ZNF652: variants seen among roughly 807,000 people sequenced by gnomAD.
The protein encoded by ZNF652 is zinc finger protein 652.
Under a neutral mutation model 45.2 loss-of-function variants are expected in ZNF652, and 16 were observed. The ratio of observed to expected loss-of-function variants is 0.35; its 90% confidence interval spans 0.24 to 0.54. The LOEUF is 0.54. ZNF652 is among the 20% of genes least tolerant of loss of function. The pLI is 0.91. For missense variants in ZNF652, 614 were observed against 765.6 expected, an observed-to-expected ratio of 0.80 and a Z score of 2.34; for synonymous variants, 250 against 260.6, an observed-to-expected ratio of 0.96 and a Z score of 0.39.
chr17:49,308,896 A>G (rs2069669065), intron 5 of ZNF652, among the ~76,000 whole-genome samples: 1 of 152,178 alleles, frequency 6.6e-6, no homozygotes, highest in Non-Finnish European at 1.5e-5. Flanking sequence ...ATTTGGTCAA[A>G]GACGAATACT....
intron 1 of ZNF652, among the ~76,000 whole-genome samples, chr17:49,328,330 C>T (rs1183302076): frequency 6.6e-6 from 1 of 151,966 alleles, no homozygotes; most frequent in African/African-American, 2.4e-5. Flanking sequence ...AAAAACACCA[C>T]AGGAAAATGA....
chr17:49,342,425 T>C (rs1217174100), intron 1 of ZNF652, among the ~76,000 whole-genome samples: 1 of 152,056 alleles, frequency 6.6e-6, no homozygotes, highest in Admixed American at 6.6e-5. Context: ...AGAACAGCTT[T>C]TGACACAAAC....
intron 1 of ZNF652, 119 bp from the exon 2 acceptor site, chr17:49,318,102 G>A (rs2069836306): frequency 1.3e-5 from 2 of 155,392 alleles, no homozygotes; most frequent in East Asian, 1.9e-4. Flanking sequence ...ATTTTGAGAT[G>A]GAGTCTCACT....
In ZNF652 at chr17:49,312,014, G is replaced by A. The variant is rs143149248; in HGVS notation, c.1077C>T (p.Cys359=). Residue 359 remains cysteine, a synonymous_variant, in exon 4 of 6, where the codon TGC becomes TGT. Transcript: ENST00000430262. ...GTTTGAATGATTTTCCACAGGTTTC[G>A]CATGTAAATGGCATGTCTTTTGTGT... ...VAHTKDMPFT[C]ETCGKSFKRS... 188 of 1,613,762 alleles carry A rather than the reference G, an allele frequency of 1.2e-4. No homozygotes were observed. Among genetic ancestry groups the A allele is most frequent in the Middle Eastern group, 3.3e-4 (2 of 6,062 alleles).
chr17:49,336,412 C>T (rs1360113790), intron 1 of ZNF652, among the ~76,000 whole-genome samples: 12 of 151,158 alleles, frequency 7.9e-5, no homozygotes, highest in African/African-American at 1.7e-4. Flanking sequence ...TCACTGCAAC[C>T]GCTACCTCCC....
chr17:49,358,685 A>G (rs112242888), intron 1 of ZNF652, among the ~76,000 whole-genome samples: 2,479 of 152,130 alleles, frequency 0.016, 59 homozygotes, highest in African/African-American at 0.057. Flanking sequence ...TTTTCTACAG[A>G]CTTGAAAAGT....
chr17:49,324,399 A>T (rs925569395), intron 1 of ZNF652, among the ~76,000 whole-genome samples: 47 of 149,770 alleles, frequency 3.1e-4, no homozygotes, highest in African/African-American at 1.0e-3. Flanking sequence ...TTTTTATTTT[A>T]TTTTTTTTTT....
intron 1 of ZNF652, among the ~76,000 whole-genome samples, chr17:49,323,371 C>G (rs2143825179): frequency 6.6e-6 from 1 of 152,318 alleles, no homozygotes; most frequent in African/African-American, 2.4e-5. Context: ...AGTTCTGTTG[C>G]TATTTCCACC....
intron 4 of ZNF652, 38 bp from the exon 5 acceptor site, chr17:49,311,494 A>C (rs2069711226): frequency 3.8e-6 from 6 of 1,599,896 alleles, no homozygotes; most frequent in African/African-American, 2.7e-5. Context: ...AATGCCAAGC[A>C]TAGTAGCTTT....
chr17:49,313,008 G>A (rs1194839559), intron 2 of ZNF652, among the ~76,000 whole-genome samples, 163 bp from the exon 3 acceptor site: 2 of 152,198 alleles, frequency 1.3e-5, no homozygotes, highest in South Asian at 2.1e-4. Context: ...ACATCTGTAT[G>A]TTCTCTTTTC....
intron 1 of ZNF652, among the ~76,000 whole-genome samples, chr17:49,332,191 A>C (rs1428088685): frequency 1.3e-5 from 2 of 150,320 alleles, no homozygotes; most frequent in African/African-American, 4.9e-5. Flanking sequence ...TTGCTTGAAC[A>C]CAGCAGACTG....
At position 49,311,446 on chromosome 17, in the gene ZNF652, TC is replaced by T. The variant is rs1460569449; in HGVS notation, c.1174del (p.Glu392LysfsTer13). On this transcript the variant is annotated frameshift_variant, in exon 5 of 6. Transcript: ENST00000430262. LOFTEE classifies it high-confidence loss of function. ...TAGCTGGTACTTGTACTGAAACCTT[TC>T]GTCACAGTTCTGCATTGGATACAGT... ...EKPFRCENCD[E>X]RFQYKYQLRS... 6.2e-7 allele frequency: 1 copy of T among 1,613,918 alleles called. No homozygotes were observed. Among genetic ancestry groups the T allele is most frequent in the Non-Finnish European group, 8.5e-7 (1 of 1,179,950 alleles).
chr17:49,309,802 G>A (rs2069684321), intron 5 of ZNF652, among the ~76,000 whole-genome samples: 1 of 152,066 alleles, frequency 6.6e-6, no homozygotes, highest in Non-Finnish European at 1.5e-5. Flanking sequence ...AAATCTGAGG[G>A]TGCTCTGTTC....
At chr17:49,340,549 CAA>C (rs1040246588) in intron 1 of ZNF652, among the ~76,000 whole-genome samples, 2 of 50,138 alleles carry the variant, frequency 4.0e-5, no homozygotes, top group African/African-American at 6.7e-5. Flanking sequence ...GACTCTGTCT[CAA>C]AAAAAAAAAA....
chr17:49,317,479 C>T lies in ZNF652; in HGVS notation c.247G>A (p.Glu83Lys). 6.2e-6 allele frequency: 10 copies of T among 1,614,144 alleles called. No individual in the cohort carries two copies. The highest frequency in any genetic ancestry group is 8.5e-6 in the Non-Finnish European group (10 of 1,180,020). Residue 83 changes from glutamate to lysine, a missense_variant, in exon 2 of 6, where the codon GAG (glutamate) becomes AAG (lysine). Around this residue, in one of 5 missense-constraint regions of ZNF652, gnomAD observed 133 missense variants for 132.2 expected, o/e 1.01. Transcript: ENST00000430262. ...HETEEQPYFR[E>K]TRAVSDVHAV... ...TGCACGTCAGACACTGCTCTTGTCT[C>T]CCTGAAATATGGCTGTTCTTCTGTT...
At position 49,289,639 on chromosome 17, in the gene ZNF652, T is replaced by G. The variant is rs1342371431; in HGVS notation, c.*8774A>C. The G allele has an allele frequency of 6.6e-6, 1 of 152,292 alleles. No homozygotes were observed. The highest frequency in any genetic ancestry group is 1.5e-5 in the Non-Finnish European group (1 of 68,116). 9.4% of individuals were successfully genotyped at this position (152,292 alleles called of 1,614,324 possible). ...CCAAGCAGCCCTCCTCTCCCCAGTA[T>G]CTTTCCCATCTTAAGAGATCCTGTC... On this transcript the variant is annotated 3_prime_UTR_variant, in exon 6 of 6. Transcript: ENST00000430262.
chr17:49,327,730 AATATATATATAT>A lies in ZNF652; in HGVS notation c.-258-9759_-258-9748del, dbSNP rs68056731. Reference sequence around the variant, plus strand: ...CCTCGTGTCTACTTTTAAATAAATAAATATATATATATATATATATATATATATATATATATA... The same window carrying A: ...CCTCGTGTCTACTTTTAAATAAATAAATATATATATATATATATATATATA... On this transcript the variant is annotated intron_variant, in intron 1 of 5. Coordinates refer to ENST00000430262, the MANE Select transcript of ZNF652 (RefSeq NM_001145365.3). 9.1e-3 allele frequency among the ~76,000 whole-genome samples: 555 copies of A among 61,216 alleles called. 1 individual carries two copies. The highest frequency in any genetic ancestry group is 0.014 in the African/African-American group (198 of 14,646). 40.2% of individuals were successfully genotyped at this position (61,216 alleles called of 152,430 possible). A position where few individuals can be genotyped will look rare whatever the true frequency, so the allele number is the denominator to read the frequency against.
chr17:49,293,839 T>C lies in ZNF652; in HGVS notation c.*4574A>G, dbSNP rs2069437108. ...TTCTTAAATGTAATGTATCCCTTTTTTCATTAAGTACTTCTCATACAGTCT... is the reference window on the plus strand; with the variant it reads ...TTCTTAAATGTAATGTATCCCTTTTCTCATTAAGTACTTCTCATACAGTCT... On this transcript the variant is annotated 3_prime_UTR_variant, in exon 6 of 6. Transcript: ENST00000430262. Among the ~76,000 whole-genome samples, 1 of 152,166 alleles carries C rather than the reference T, an allele frequency of 6.6e-6. No homozygotes were observed. The highest frequency in any genetic ancestry group is 2.4e-5 in the African/African-American group (1 of 41,432).
intron 1 of ZNF652, among the ~76,000 whole-genome samples, chr17:49,331,039 A>C (rs1171188729): frequency 1.3e-5 from 2 of 150,390 alleles, no homozygotes; most frequent in East Asian, 2.0e-4. Flanking sequence ...GATTGCATCC[A>C]GCCTGGGCAG....
Sources: gnomAD v4.1 joint callset for allele counts (sites outside exome capture counted in the v4.1 genomes callset) on GRCh38, gnomAD v4.1.1 for gene constraint, gnomAD v4.1.1 regional missense constraint, MANE v1.5 for transcripts, NCBI Gene and HGNC (gene_info 2026-07-23, HGNC 2026-07-21) for gene names.